The following GPRC6A variants were observed in gnomAD, a reference collection of about 807,000 sequenced individuals.
The protein encoded by GPRC6A is G protein-coupled receptor class C group 6 member A.
GPRC6A carries 54 observed loss-of-function variants against 47.0 expected under a neutral mutation model. The ratio of observed to expected loss-of-function variants is 1.15; its 90% CI spans 0.92 to 1.44. The LOEUF (loss-of-function observed/expected upper bound fraction) is 1.44, where lower values mean the gene tolerates loss of function less well. Ranked by LOEUF, GPRC6A falls within the 40% of genes most tolerant of loss-of-function variation. The pLI is 0.00. For missense variants in GPRC6A, 1,112 were observed against 1,105.5 expected, an observed-to-expected ratio of 1.01 and a Z score of -0.08; for synonymous variants, 347 against 377.1, an observed-to-expected ratio of 0.92 and a Z score of 0.93.
In GPRC6A at chr6:116,806,577, T is replaced by C; in HGVS notation, c.1128A>G (p.Ile376Met). The C allele has an allele frequency of 6.2e-7, 1 of 1,613,668 alleles. No homozygotes were observed. The highest frequency in any genetic ancestry group is 2.2e-5 in the East Asian group (1 of 44,880). Residue 376 changes from isoleucine to methionine, a missense_variant, in exon 3 of 6, where the codon ATA (isoleucine) becomes ATG (methionine). Physicochemically the swap from Ile to Met is conservative, Grantham distance 10. Coordinates refer to ENST00000310357, the MANE Select transcript of GPRC6A (RefSeq NM_148963.4). ...CCAAAGTCCTTTGAGAATGATTGAA[T>C]ATGCATTGACTCAAATCAGTGTCCT... Reference protein sequence around the residue: ...YVKDTDLSQCIFNHSQRTLAY... With the variant: ...YVKDTDLSQCMFNHSQRTLAY...
At chr6:116,797,152 C>T (rs1004920025) in intron 4 of GPRC6A, among the ~76,000 whole-genome samples, 21 of 151,688 alleles carry the variant, frequency 1.4e-4, no homozygotes, top group African/African-American at 4.6e-4. Flanking sequence ...TTTGTTCTTG[C>T]GATAGTTTAC....
rs1373080431 is a variant in GPRC6A, at chr6:116,810,598, TTAC to T, written c.195-984_195-982del. On this transcript the variant is annotated intron_variant, in intron 1 of 5. Coordinates refer to ENST00000310357, the MANE Select transcript of GPRC6A (RefSeq NM_148963.4). ...ATTAGTAAGTTAAACTATTTGAAGA[TTAC>T]TATTTGTCATTGTGAACCATGGCTT... Among the ~76,000 whole-genome samples, 4 of 151,718 alleles carry T rather than the reference TTAC, an allele frequency of 2.6e-5. No individual in the cohort carries two copies. The East Asian group carries it at 7.8e-4, about 29-fold the overall frequency.
In GPRC6A at chr6:116,792,990, C is replaced by A. The variant is rs752106270; in HGVS notation, c.1933G>T (p.Ala645Ser). Residue 645 changes from alanine (A) to serine (S), a missense_variant, in exon 6 of 6, where the codon GCC (alanine) becomes TCC (serine). Physicochemically the swap from Ala to Ser is moderately conservative, Grantham distance 99. Transcript: ENST00000310357. The part of the protein sequence containing the change: ...VILLCHFLNF[A>S]STSFFIGEPQ... ...TCTCCAATGAAAAAGCTCGTGCTGG[C>A]AAAATTGAGGAAATGACAGAGAAGG... The A allele has an allele frequency of 1.2e-6, 2 of 1,613,906 alleles. No individual in the cohort carries two copies. Among genetic ancestry groups the A allele is most frequent in the Non-Finnish European group, 1.7e-6 (2 of 1,179,978 alleles).
intron 1 of GPRC6A, among the ~76,000 whole-genome samples, chr6:116,824,831 C>T (rs1175938039): frequency 6.6e-6 from 1 of 151,856 alleles, no homozygotes; most frequent in Non-Finnish European, 1.5e-5. Context: ...AACATACATG[C>T]AAAAATCCTC....
intron 1 of GPRC6A, among the ~76,000 whole-genome samples, chr6:116,821,331 C>A (rs897430713): frequency 0.016 from 2,469 of 152,046 alleles, 77 homozygotes; most frequent in African/African-American, 0.055. Flanking sequence ...GCTACCAATG[C>A]CTTTCTTCAC....
intron 1 of GPRC6A, among the ~76,000 whole-genome samples, chr6:116,812,785 C>G (rs534418534): frequency 2.0e-4 from 30 of 152,162 alleles, no homozygotes; most frequent in African/African-American, 6.0e-4. Context: ...AAGAAATAAA[C>G]GGTATTCAAT....
At chr6:116,826,522 GACAAAAACAAA>G (rs1042925308) in intron 1 of GPRC6A, among the ~76,000 whole-genome samples, 5 of 151,572 alleles carry the variant, frequency 3.3e-5, no homozygotes, top group African/African-American at 1.2e-4. Context: ...TTACTAAAAA[GACAAAAACAAA>G]ACAAAAACAA....
At chr6:116,803,950 A>G (rs1772758657) in intron 3 of GPRC6A, among the ~76,000 whole-genome samples, 1 of 152,060 alleles carries the variant, frequency 6.6e-6, no homozygotes, top group African/African-American at 2.4e-5. Context: ...ATATCAATGG[A>G]CAGATAATTC....
rs1340047317 is a variant in GPRC6A, at chr6:116,792,936, G to T, written c.1987C>A (p.Gln663Lys). ...GTAAAGCTCACTCCAAACATTGTCT[G>T]CCTGGTTTTACATGTGAAGTCTTGT... is the stretch of plus-strand genomic sequence containing the variant. ...EPQDFTCKTR[Q>K]TMFGVSFTLC... The change falls in exon 6 of 6, where the codon CAG becomes AAG. Residue 663 changes from glutamine to lysine, a missense_variant. Transcript: ENST00000310357. The T allele has an allele frequency of 6.2e-7, 1 of 1,614,078 alleles. No homozygotes were observed. The highest frequency in any genetic ancestry group is 8.5e-7 in the Non-Finnish European group (1 of 1,179,974).
rs540182325 is a variant in GPRC6A at position 116,814,670 on chromosome 6, T to C, written c.195-5053A>G. ...TTAATGTAAATGATGAGTTCGTGGGTGCAGCAAACCAACATGGCTCATGTA... is the reference window on the plus strand; with the variant it reads ...TTAATGTAAATGATGAGTTCGTGGGCGCAGCAAACCAACATGGCTCATGTA... On this transcript the variant is annotated intron_variant, in intron 1 of 5. Coordinates refer to ENST00000310357, the MANE Select transcript of GPRC6A (RefSeq NM_148963.4). 4.6e-5 allele frequency among the ~76,000 whole-genome samples: 7 copies of C among 152,032 alleles called. No homozygotes were observed. The South Asian group carries it at 1.5e-3, about 32-fold the overall frequency.
chr6:116,822,619 C>T (rs971738272), intron 1 of GPRC6A, among the ~76,000 whole-genome samples: 2 of 144,770 alleles, frequency 1.4e-5, no homozygotes, highest in Non-Finnish European at 3.0e-5. Context: ...GAACAAAAAA[C>T]CAAACACCGC....
chr6:116,817,568 T>C (rs570225005), intron 1 of GPRC6A, among the ~76,000 whole-genome samples: 4 of 152,292 alleles, frequency 2.6e-5, no homozygotes, highest in African/African-American at 9.6e-5. Flanking sequence ...AGGCTTCAGA[T>C]GATCAAATTA....
At chr6:116,793,858 A>G (rs1772395198) in intron 5 of GPRC6A, among the ~76,000 whole-genome samples, 1 of 152,212 alleles carries the variant, frequency 6.6e-6, no homozygotes, top group South Asian at 2.1e-4. Flanking sequence ...CAGAGGCAAT[A>G]TGGCTAGGTC....
rs200835880 is a variant in GPRC6A, at chr6:116,807,163, C to T, written c.542G>A (p.Arg181His). Reference protein sequence around the residue: ...STAEILSDKIRFPSFLRTVPS... With the variant: ...STAEILSDKIHFPSFLRTVPS... ...CACAGTCCGTAAAAATGAAGGAAAG[C>T]GAATTTTGTCACTCAGGATTTCTGC... The change falls in exon 3 of 6, where the codon CGC (arginine) becomes CAC (histidine). Residue 181 changes from arginine to histidine, a missense_variant. Transcript: ENST00000310357. The T allele has an allele frequency of 4.5e-5, 73 of 1,613,156 alleles. No homozygotes were observed. The highest frequency in any genetic ancestry group is 3.1e-4 in the East Asian group (14 of 44,862).
At chr6:116,801,278 G>A (rs1772666067) in intron 3 of GPRC6A, among the ~76,000 whole-genome samples, 1 of 152,102 alleles carries the variant, frequency 6.6e-6, no homozygotes, top group Admixed American at 6.6e-5. Context: ...AACTTGAGAA[G>A]AAAGAAATAT....
chr6:116,797,623 A>G (rs576954872), intron 4 of GPRC6A, among the ~76,000 whole-genome samples: 9 of 152,322 alleles, frequency 5.9e-5, no homozygotes, highest in African/African-American at 2.2e-4. Flanking sequence ...TAAGAGCCTC[A>G]CATAATTACC....
At chr6:116,822,953 C>T (rs993319724) in intron 1 of GPRC6A, among the ~76,000 whole-genome samples, 3 of 150,976 alleles carry the variant, frequency 2.0e-5, no homozygotes, top group African/African-American at 7.3e-5. Flanking sequence ...ACCTCTGGGC[C>T]TGTGATGGGA....
chr6:116,814,337 A>G (rs1322551827), intron 1 of GPRC6A, among the ~76,000 whole-genome samples: 1 of 152,208 alleles, frequency 6.6e-6, no homozygotes, highest in Non-Finnish European at 1.5e-5. Flanking sequence ...CACAATAGCA[A>G]AGACTTGCAA....
Position 116,806,890 on chromosome 6 carries a change from T to C in GPRC6A, c.815A>G (p.Asn272Ser), listed in dbSNP as rs960506066. Residue 272 changes from asparagine to serine, a missense_variant, in exon 3 of 6, where the codon AAT becomes AGT. Coordinates refer to ENST00000310357, the MANE Select transcript of GPRC6A (RefSeq NM_148963.4). ...LKKIILEAQV[N>S]VIVVFLRQFH... ...TTGCCTCAGAAATACCACAATGACATTAACCTGGGCTTCTAAAATGATTTT... is the reference window on the plus strand; with the variant it reads ...TTGCCTCAGAAATACCACAATGACACTAACCTGGGCTTCTAAAATGATTTT... The C allele has an allele frequency of 1.9e-6, 3 of 1,613,686 alleles. No homozygotes were observed. The African/African-American group carries it at 4.0e-5, about 22-fold the overall frequency.
Sources: gnomAD v4.1 joint callset for allele counts (sites outside exome capture counted in the v4.1 genomes callset) on GRCh38, gnomAD v4.1.1 for gene constraint, MANE v1.5 for transcripts, NCBI Gene and HGNC (gene_info 2026-07-23, HGNC 2026-07-21) for gene names.